The following IL7 variants were observed in gnomAD, a reference collection of about 807,000 sequenced individuals.
IL7 encodes the protein interleukin-7.
IL7 carries 3 observed loss-of-function variants against 21.6 expected under a neutral mutation model. The ratio of observed to expected loss-of-function variants is 0.14; its 90% CI spans 0.06 to 0.36. The LOEUF (loss-of-function observed/expected upper bound fraction) is 0.36, where lower values mean the gene tolerates loss of function less well. IL7 is among the 10% of genes least tolerant of loss of function. IL7 has a pLI of 1.00. For synonymous variants in IL7, 62 were observed against 68.1 expected, an observed-to-expected ratio of 0.91 and a Z score of 0.44; for missense variants, 175 against 200.2, an observed-to-expected ratio of 0.87 and a Z score of 0.76.
chr8:78,794,906 A>G, intron 2 of IL7, among the ~76,000 whole-genome samples: 1 of 152,064 alleles, frequency 6.6e-6, no homozygotes. Context: ...CAAACCCAAC[A>G]TCACCTACAC....
chr8:78,761,631 C>T (rs2156711), intron 2 of IL7: 11 of 1,611,846 alleles, frequency 6.8e-6, no homozygotes, highest in Non-Finnish European at 9.3e-6. Context: ...TCCACTACAT[C>T]GTCAGTGATA....
Position 78,742,850 on chromosome 8 carries a change from T to C in IL7, c.148-2768A>G, listed in dbSNP as rs1427376693. Among the ~76,000 whole-genome samples, 3 of 152,110 alleles carry C rather than the reference T, an allele frequency of 2.0e-5. No homozygotes were observed. In the East Asian group the frequency reaches 5.8e-4, roughly 29 times the overall value. ...ACCCAGGTATTAAGCCTAGTATCCA[T>C]TAATTGTTTTTTGATCCTCTCCCTC... On this transcript the variant is annotated intron_variant, in intron 2 of 5. Transcript: ENST00000263851.
intron 4 of IL7, chr8:78,678,530 A>C: frequency 6.4e-7 from 1 of 1,551,988 alleles, no homozygotes; most frequent in Non-Finnish European, 8.8e-7. Context: ...TGTAGAAAAG[A>C]AAATGATAGG....
At chr8:78,717,648 G>A, downstream of IL7, 1 of 759,498 alleles carries the variant, frequency 1.3e-6, no homozygotes, top group East Asian at 2.8e-5. Flanking sequence ...TATATAATGT[G>A]TGTATGTTTA....
intron 4 of IL7, chr8:78,685,825 T>G (rs538954429): frequency 1.3e-5 from 2 of 152,366 alleles, no homozygotes; most frequent in East Asian, 1.9e-4. Context: ...TAGTCTCTTT[T>G]CTGCTGCTGT....
chr8:78,689,088 T>C lies in IL7; in HGVS notation n.215-3141A>G, dbSNP rs1276446254. 2.1e-5 allele frequency: 11 copies of C among 533,566 alleles called. No homozygotes were observed. In the South Asian group the frequency reaches 6.4e-4, roughly 31 times the overall value. The allele number at this position is 533,566 out of a possible 1,614,324, so 33.1% of individuals were successfully genotyped here. ...TTAGACAAGTAAAACTGGGTAGTTA[T>C]AAGGATATGGGAATTTTTGCTTATC... On this transcript the variant is annotated intron_variant and non_coding_transcript_variant, in intron 3 of 4. Coordinates refer to the IL7 transcript ENST00000523959.
chr8:78,699,267 T>C (rs1163048170), intron 3 of IL7, among the ~76,000 whole-genome samples: 1 of 152,136 alleles, frequency 6.6e-6, no homozygotes, highest in Non-Finnish European at 1.5e-5. Context: ...AATTAAACTT[T>C]CAATAGTTAT....
chr8:78,715,319 A>G, downstream of IL7: 2 of 1,612,290 alleles, frequency 1.2e-6, no homozygotes, highest in Middle Eastern at 3.3e-4. Flanking sequence ...ACTGAGAGCT[A>G]CATAGCCAGG....
intron 3 of IL7, among the ~76,000 whole-genome samples, chr8:78,687,351 T>A (rs1230209253): frequency 6.6e-6 from 1 of 151,206 alleles, no homozygotes; most frequent in Non-Finnish European, 1.5e-5. Flanking sequence ...TTTTTGACAT[T>A]TTATTGTAGA....
intron 2 of IL7, among the ~76,000 whole-genome samples, chr8:78,781,424 T>C (rs1040262193): frequency 1.4e-4 from 22 of 152,210 alleles, no homozygotes; most frequent in African/African-American, 4.8e-4. Context: ...GATGACAAAT[T>C]TCCTCAGCAT....
chr8:78,689,356 A>G, intron 3 of IL7: 8 of 1,592,674 alleles, frequency 5.0e-6, no homozygotes, highest in Non-Finnish European at 6.8e-6. Flanking sequence ...AGGAAAACCA[A>G]CTTCTCGGAC....
At chr8:78,723,284 T>A (rs1302798041) in intron 3 of IL7, among the ~76,000 whole-genome samples, 1 of 151,818 alleles carries the variant, frequency 6.6e-6, no homozygotes, top group East Asian at 1.9e-4. Context: ...CAATAAACAT[T>A]TAGTGACTAT....
At chr8:78,799,969 A>G (rs1324994728) in intron 1 of IL7, among the ~76,000 whole-genome samples, 1 of 152,184 alleles carries the variant, frequency 6.6e-6, no homozygotes. Context: ...TTACTAATAC[A>G]TATTTAATAT....
intron 2 of IL7, among the ~76,000 whole-genome samples, chr8:78,764,735 T>C (rs991473887): frequency 7.2e-5 from 11 of 152,246 alleles, no homozygotes; most frequent in African/African-American, 2.4e-4. Flanking sequence ...GACTCAATAT[T>C]GTCATGATGT....
At chr8:78,723,594 T>C (rs1208174611) in intron 3 of IL7, among the ~76,000 whole-genome samples, 4 of 152,066 alleles carry the variant, frequency 2.6e-5, no homozygotes, top group Non-Finnish European at 4.4e-5. Flanking sequence ...AAAATATTAA[T>C]GGATAAACAA....
intron 3 of IL7, among the ~76,000 whole-genome samples, chr8:78,723,376 A>T (rs903909492): frequency 3.3e-5 from 5 of 151,982 alleles, no homozygotes; most frequent in African/African-American, 4.8e-5. Flanking sequence ...ACCTAATGGA[A>T]CTGGATCTAT....
chr8:78,735,276 C>CTTTTTTTTTTTTTTTTTGTTTTTTTTTTT, intron 5 of IL7, among the ~76,000 whole-genome samples: 3 of 78,516 alleles, frequency 3.8e-5, no homozygotes, highest in Admixed American at 1.5e-4. Flanking sequence ...CTTTTCTTTT[C>CTTTTTTTTTTTTTTTTTGTTTTTTTTTTT]TTTTTTTTTT....
chr8:78,682,029 C>T (rs1376355571), intron 4 of IL7, among the ~76,000 whole-genome samples: 4 of 151,670 alleles, frequency 2.6e-5, no homozygotes, highest in East Asian at 1.9e-4. Flanking sequence ...AGGCATGAGC[C>T]GTCATACCTA....
chr8:78,739,878 T>G, intron 3 of IL7, 124 bp downstream of exon 3: 10 of 816,376 alleles, frequency 1.2e-5, no homozygotes, highest in Non-Finnish European at 1.7e-5. Context: ...ATTTAATCAA[T>G]GGGAATTATG....
Sources: gnomAD v4.1 joint callset for allele counts (sites outside exome capture counted in the v4.1 genomes callset) on GRCh38, gnomAD v4.1.1 for gene constraint, MANE v1.5 for transcripts, NCBI Gene and HGNC (gene_info 2026-07-23, HGNC 2026-07-21) for gene names.